The following AGBL4 variants were observed in gnomAD, a reference collection of about 807,000 sequenced individuals.
The protein encoded by AGBL4 is cytosolic carboxypeptidase 6.
A neutral mutation model predicts 66.4 loss-of-function variants in AGBL4; 58 were observed. The ratio of observed to expected loss-of-function variants is 0.87; its 90% CI spans 0.71 to 1.09. The LOEUF is 1.09. Ranked by LOEUF, AGBL4 falls within the 50% of genes least tolerant of loss-of-function variation. The pLI is 0.00. For missense variants in AGBL4, 579 were observed against 631.0 expected, an observed-to-expected ratio of 0.92 and a Z score of 0.88; for synonymous variants, 234 against 222.9, an observed-to-expected ratio of 1.05 and a Z score of -0.44.
intron 6 of AGBL4, chr1:48,776,463 A>C (rs1182955226): frequency 3.2e-6 from 2 of 633,692 alleles, no homozygotes; most frequent in Non-Finnish European, 4.9e-6. Context: ...CCGTTCCCAA[A>C]TGAAATGCCC....
At chr1:49,846,531 G>A in intron 2 of AGBL4, 1 of 565,456 alleles carries the variant, frequency 1.8e-6, no homozygotes, top group South Asian at 2.6e-5. Context: ...TAATACAAAA[G>A]TGAAGAGACA....
At chr1:49,212,280 T>G (rs1189611550) in intron 4 of AGBL4, among the ~76,000 whole-genome samples, 1 of 152,138 alleles carries the variant, frequency 6.6e-6, no homozygotes, top group East Asian at 1.9e-4. Flanking sequence ...ATTAGTACCC[T>G]GATCACTAGA....
Position 49,866,077 on chromosome 1 carries a change from AC to A in AGBL4, c.35-14560del, listed in dbSNP as rs559321599. 1.8e-3 allele frequency: 366 copies of A among 199,906 alleles called. 2 individuals carry two copies. The highest frequency in any genetic ancestry group is 2.9e-3 in the Non-Finnish European group (265 of 90,670). The allele number at this position is 199,906 out of a possible 1,614,324, so 12.4% of individuals were successfully genotyped here. On this transcript the variant is annotated intron_variant, in intron 1 of 13. Transcript: ENST00000371839. ...ATTAGAGAAAGAAGAATAAAAAGAA[AC>A]AAGCAAAACTCTGAAAACTATGGGA...
intron 5 of AGBL4, among the ~76,000 whole-genome samples, chr1:48,969,544 T>C (rs1316421599): frequency 6.6e-6 from 1 of 152,012 alleles, no homozygotes; most frequent in Non-Finnish European, 1.5e-5. Context: ...ATCCATGAAA[T>C]AGCTTGGAAA....
intron 5 of AGBL4, among the ~76,000 whole-genome samples, chr1:48,974,091 G>A (rs1557517504): frequency 6.6e-6 from 1 of 152,102 alleles, no homozygotes; most frequent in Non-Finnish European, 1.5e-5. Flanking sequence ...ACTCTGAGAG[G>A]CTGGGATTGC....
intron 5 of AGBL4, among the ~76,000 whole-genome samples, chr1:48,893,942 C>A (rs1651252476): frequency 6.6e-6 from 1 of 152,120 alleles, no homozygotes; most frequent in Non-Finnish European, 1.5e-5. Flanking sequence ...CTAAGAAAAT[C>A]ATCTAATTGT....
intron 3 of AGBL4, among the ~76,000 whole-genome samples, chr1:49,574,871 A>G (rs1170799133): frequency 6.6e-6 from 1 of 151,888 alleles, no homozygotes; most frequent in Non-Finnish European, 1.5e-5. Context: ...GCTTGTCTTT[A>G]TACAAGCAGA....
chr1:48,914,239 G>C (rs1653395765), intron 5 of AGBL4, among the ~76,000 whole-genome samples: 6 of 152,188 alleles, frequency 3.9e-5, no homozygotes. Flanking sequence ...TGGTGGAGGA[G>C]ATAGAAGGGC....
intron 5 of AGBL4, among the ~76,000 whole-genome samples, chr1:48,869,334 G>A (rs1242614434): frequency 2.0e-5 from 3 of 152,122 alleles, no homozygotes; most frequent in Non-Finnish European, 4.4e-5. Context: ...CCCTAACACG[G>A]AACCAGGCCA....
chr1:48,871,102 G>T (rs1012972763), intron 5 of AGBL4, among the ~76,000 whole-genome samples: 1 of 152,152 alleles, frequency 6.6e-6, no homozygotes, highest in African/African-American at 2.4e-5. Flanking sequence ...TATAGAATTT[G>T]ACCAATAATG....
intron 5 of AGBL4, among the ~76,000 whole-genome samples, chr1:48,918,094 C>G (rs999634888): frequency 6.6e-6 from 1 of 152,176 alleles, no homozygotes; most frequent in South Asian, 2.1e-4. Context: ...CAGATCAATG[C>G]GGACACTCAC....
intron 11 of AGBL4, among the ~76,000 whole-genome samples, chr1:48,573,330 A>G (rs770437852): frequency 4.6e-5 from 7 of 152,222 alleles, no homozygotes; most frequent in African/African-American, 9.6e-5. Flanking sequence ...AGCTGTCTAC[A>G]TTCACATTAA....
chr1:49,866,886 T>C (rs867008729), intron 1 of AGBL4, among the ~76,000 whole-genome samples: 6 of 152,112 alleles, frequency 3.9e-5, no homozygotes, highest in South Asian at 4.1e-4. Flanking sequence ...TATTTAACCA[T>C]GTCCTCTAAA....
At chr1:49,105,146 C>G (rs1645269514) in intron 4 of AGBL4, among the ~76,000 whole-genome samples, 1 of 152,178 alleles carries the variant, frequency 6.6e-6, no homozygotes, top group African/African-American at 2.4e-5. Context: ...CTACTAAGCA[C>G]TGAATGGCTT....
chr1:48,601,019 T>G (rs76058222), intron 9 of AGBL4, among the ~76,000 whole-genome samples: 1 of 152,106 alleles, frequency 6.6e-6, no homozygotes, highest in Non-Finnish European at 1.5e-5. Context: ...CCCAGGAGGT[T>G]TGGGTTTATA....
At chr1:49,808,008 G>A (rs1645013044) in intron 2 of AGBL4, among the ~76,000 whole-genome samples, 1 of 152,278 alleles carries the variant, frequency 6.6e-6, no homozygotes, top group Non-Finnish European at 1.5e-5. Context: ...AGAACTGTGA[G>A]AAATAAAGTA....
chr1:49,999,236 G>T (rs1348660850), intron 1 of AGBL4, among the ~76,000 whole-genome samples: 2 of 151,016 alleles, frequency 1.3e-5, no homozygotes, highest in African/African-American at 4.9e-5. Context: ...AAAGCTTCAG[G>T]ATACAAAATT....
At chr1:49,476,812 C>T (rs1234219701) in intron 3 of AGBL4, among the ~76,000 whole-genome samples, 1 of 152,008 alleles carries the variant, frequency 6.6e-6, no homozygotes, top group Non-Finnish European at 1.5e-5. Context: ...TGGACCTGCC[C>T]TGGGCCTGAG....
chr1:48,685,052 T>C (rs1348690926), intron 6 of AGBL4, among the ~76,000 whole-genome samples: 1 of 152,018 alleles, frequency 6.6e-6, no homozygotes, highest in Non-Finnish European at 1.5e-5. Flanking sequence ...AGATATAGGC[T>C]GAGGCAGAGA....
Sources: allele counts gnomAD v4.1 joint callset (sites outside exome capture counted in the v4.1 genomes callset), GRCh38; gene constraint gnomAD v4.1.1; transcripts MANE v1.5; gene names NCBI Gene and HGNC (gene_info 2026-07-23, HGNC 2026-07-21).